RALGPS1: variants seen among roughly 807,000 people sequenced by gnomAD.
RALGPS1 encodes the protein Ral GEF with PH domain and SH3 binding motif 1, also known as ras-specific guanine nucleotide-releasing factor RalGPS1.
In RALGPS1, 19 loss-of-function variants were observed where a neutral mutation model predicts 78.8. That is an observed-to-expected ratio of 0.24 (90% CI 0.17 to 0.35). The LOEUF (loss-of-function observed/expected upper bound fraction) is 0.35. Ranked by LOEUF, RALGPS1 falls within the 10% of genes least tolerant of loss-of-function variation. The probability of loss-of-function intolerance (pLI) is 1.00; values close to 1 mark genes in which losing one functional copy is unlikely to be tolerated. For synonymous variants in RALGPS1, 228 were observed against 256.3 expected, an observed-to-expected ratio of 0.89 and a Z score of 1.06; for missense variants, 454 against 688.3, an observed-to-expected ratio of 0.66 and a Z score of 3.81.
chr9:127,174,681 G>C (rs1588332008), intron 10 of RALGPS1, 34 bp from the exon 11 acceptor site: 1 of 1,604,404 alleles, frequency 6.2e-7, no homozygotes. Context: ...GTAAACCAGA[G>C]CCCATCTGAT....
chr9:127,015,081 C>T (rs62580801), intron 4 of RALGPS1, among the ~76,000 whole-genome samples: 1,882 of 152,270 alleles, frequency 0.012, 28 homozygotes, highest in Non-Finnish European at 0.018. Flanking sequence ...TCTTCCTTCC[C>T]TGTCTTTTTG....
intron 1 of RALGPS1, among the ~76,000 whole-genome samples, chr9:126,955,181 C>T (rs1007658440): frequency 3.3e-5 from 5 of 152,086 alleles, no homozygotes; most frequent in Non-Finnish European, 5.9e-5. Context: ...CTTAAGTTAC[C>T]TTCTTTGTTA....
At chr9:127,189,239 A>G (rs571609149) in intron 11 of RALGPS1, among the ~76,000 whole-genome samples, 1 of 152,236 alleles carries the variant, frequency 6.6e-6, no homozygotes, top group African/African-American at 2.4e-5. Flanking sequence ...TTTCTCATTC[A>G]TCAAACAGAG....
At chr9:126,969,552 G>A (rs927048170) in intron 3 of RALGPS1, among the ~76,000 whole-genome samples, 4 of 152,232 alleles carry the variant, frequency 2.6e-5, no homozygotes, top group African/African-American at 9.6e-5. Context: ...TTTAGAGGAC[G>A]TCATGGATCT....
At chr9:127,180,405 G>A (rs997795438) in intron 11 of RALGPS1, among the ~76,000 whole-genome samples, 1 of 152,218 alleles carries the variant, frequency 6.6e-6, no homozygotes, top group Non-Finnish European at 1.5e-5. Context: ...TGTATTGCCT[G>A]GTGGTAGAAA....
At chr9:127,101,970 G>C (rs997111288) in intron 8 of RALGPS1, among the ~76,000 whole-genome samples, 10 of 152,002 alleles carry the variant, frequency 6.6e-5, no homozygotes, top group African/African-American at 2.4e-4. Flanking sequence ...GGCTCATCTT[G>C]AGATATAAGA....
intron 13 of RALGPS1, among the ~76,000 whole-genome samples, chr9:127,198,531 G>A (rs150752180): frequency 1.4e-4 from 21 of 152,322 alleles, no homozygotes; most frequent in African/African-American, 5.1e-4. Context: ...GACCCCACTG[G>A]CCAGGGGTCT....
chr9:127,129,933 G>C (rs1273119616), intron 8 of RALGPS1, among the ~76,000 whole-genome samples: 1 of 152,208 alleles, frequency 6.6e-6, no homozygotes, highest in Non-Finnish European at 1.5e-5. Context: ...TTGGCACCCT[G>C]CCCTGTGCCC....
chr9:126,954,429 A>G (rs2038153464), intron 1 of RALGPS1, among the ~76,000 whole-genome samples: 1 of 152,182 alleles, frequency 6.6e-6, no homozygotes, highest in Non-Finnish European at 1.5e-5. Context: ...GTAGTTCTCC[A>G]CAGAGTAGCC....
Position 127,221,459 on chromosome 9 carries a change from C to T in RALGPS1, c.*2690C>T, listed in dbSNP as rs976109942. The T allele has an allele frequency of 6.6e-6, 1 of 152,116 alleles. No individual in the cohort carries two copies. Among genetic ancestry groups the T allele is most frequent in the African/African-American group, 2.4e-5 (1 of 41,408 alleles). The allele number at this position is 152,116 out of a possible 1,614,324, so 9.4% of individuals were successfully genotyped here. A position where few individuals can be genotyped will look rare whatever the true frequency, so the allele number is the denominator to read the frequency against. ...AGTTGGTAGCTGGTAACATTGTTGT[C>T]TCAAGAACAACTCACCTCTCTCCCT... is the stretch of plus-strand genomic sequence containing the variant. On this transcript the variant is annotated 3_prime_UTR_variant, in exon 19 of 19. Transcript: ENST00000259351.
intron 17 of RALGPS1, among the ~76,000 whole-genome samples, 171 bp downstream of exon 17, chr9:127,213,220 G>T (rs1175293013): frequency 6.6e-6 from 1 of 152,226 alleles, no homozygotes; most frequent in African/African-American, 2.4e-5. Context: ...ATAGATCATG[G>T]TTGGCATGTC....
intron 8 of RALGPS1, among the ~76,000 whole-genome samples, chr9:127,156,451 G>A (rs1184378664): frequency 2.6e-5 from 4 of 151,998 alleles, no homozygotes; most frequent in African/African-American, 9.7e-5. Flanking sequence ...AAATATTATC[G>A]ATTTTTAAGA....
intron 3 of RALGPS1, among the ~76,000 whole-genome samples, chr9:126,970,604 AGAT>A (rs1301883593): frequency 2.7e-5 from 4 of 145,624 alleles, no homozygotes; most frequent in Admixed American, 2.1e-4. Context: ...TTGTGGCAAA[AGAT>A]GATCTAAGAG....
chr9:127,190,989 G>C (rs2140418479), intron 11 of RALGPS1, among the ~76,000 whole-genome samples: 1 of 152,148 alleles, frequency 6.6e-6, no homozygotes, highest in Non-Finnish European at 1.5e-5. Flanking sequence ...ATTACCAGTG[G>C]GGTTAAGCGT....
At chr9:127,052,596 A>G (rs1274998152) in intron 6 of RALGPS1, among the ~76,000 whole-genome samples, 2 of 152,238 alleles carry the variant, frequency 1.3e-5, no homozygotes, top group African/African-American at 2.4e-5. Context: ...AATGCACACT[A>G]TCAAACCTTA....
intron 10 of RALGPS1, among the ~76,000 whole-genome samples, chr9:127,173,370 T>C (rs191445171): frequency 7.1e-4 from 108 of 152,294 alleles, no homozygotes; most frequent in Middle Eastern, 3.4e-3. Context: ...AGACCCCTCA[T>C]TGGGCTTGAC....
At chr9:127,013,895 T>C (rs2044586671) in intron 4 of RALGPS1, among the ~76,000 whole-genome samples, 1 of 152,212 alleles carries the variant, frequency 6.6e-6, no homozygotes, top group Admixed American at 6.5e-5. Context: ...GTCCCCCCAC[T>C]TCAGCTAAGC....
chr9:127,137,844 G>A (rs2057506132), intron 8 of RALGPS1, among the ~76,000 whole-genome samples: 1 of 152,140 alleles, frequency 6.6e-6, no homozygotes, highest in Non-Finnish European at 1.5e-5. Flanking sequence ...GGGGTTAGAT[G>A]GATATGGCCA....
At chr9:126,977,242 T>C in intron 3 of RALGPS1, among the ~76,000 whole-genome samples, 1 of 152,170 alleles carries the variant, frequency 6.6e-6, no homozygotes, top group Non-Finnish European at 1.5e-5. Flanking sequence ...AGAAGAAAAA[T>C]ATAATTTCTA....
Sources: gnomAD v4.1 joint callset for allele counts (sites outside exome capture counted in the v4.1 genomes callset) on GRCh38, gnomAD v4.1.1 for gene constraint, MANE v1.5 for transcripts, NCBI Gene and HGNC (gene_info 2026-07-23, HGNC 2026-07-21) for gene names.